Variants in EPB41L4A observed in about 807,000 individuals in gnomAD.
EPB41L4A encodes the protein band 4.1-like protein 4A.
EPB41L4A carries 100 observed loss-of-function variants against 108.6 expected under a neutral mutation model. The ratio of observed to expected loss-of-function variants is 0.92; its 90% confidence interval spans 0.78 to 1.09. The LOEUF is 1.09. Ranked by LOEUF, EPB41L4A falls within the 50% of genes least tolerant of loss-of-function variation. The pLI is 0.00. For missense variants in EPB41L4A, 1,030 were observed against 842.7 expected, an observed-to-expected ratio of 1.22 and a Z score of -2.75; for synonymous variants, 319 against 289.0, an observed-to-expected ratio of 1.10 and a Z score of -1.05.
At chr5:112,374,053 C>CCAT (rs1261719986) in intron 1 of EPB41L4A, among the ~76,000 whole-genome samples, 5 of 152,138 alleles carry the variant, frequency 3.3e-5, no homozygotes, top group Non-Finnish European at 7.4e-5. Context: ...TAGGAAGCAC[C>CCAT]CATCTTCTGT....
chr5:112,152,100 C>T (rs146078937), intron 12 of EPB41L4A, among the ~76,000 whole-genome samples: 13 of 151,646 alleles, frequency 8.6e-5, no homozygotes, highest in African/African-American at 3.1e-4. Flanking sequence ...TATAATTTGG[C>T]TACATATAAC....
At chr5:112,309,173 A>G (rs1754885377) in intron 1 of EPB41L4A, among the ~76,000 whole-genome samples, 2 of 152,100 alleles carry the variant, frequency 1.3e-5, no homozygotes, top group Non-Finnish European at 2.9e-5. Flanking sequence ...ACCATTTACC[A>G]AAAAAAGCCA....
At chr5:112,339,825 C>T (rs1384794349) in intron 1 of EPB41L4A, among the ~76,000 whole-genome samples, 1 of 152,056 alleles carries the variant, frequency 6.6e-6, no homozygotes, top group African/African-American at 2.4e-5. Flanking sequence ...CGTGAGCCAC[C>T]ACGCTTGGCC....
At chr5:112,363,291 AT>A (rs1758897364) in intron 1 of EPB41L4A, among the ~76,000 whole-genome samples, 1 of 152,034 alleles carries the variant, frequency 6.6e-6, no homozygotes, top group African/African-American at 2.4e-5. Flanking sequence ...CATATTATAT[AT>A]TTTCAATTCA....
At chr5:112,325,354 T>C (rs1451614765) in intron 1 of EPB41L4A, among the ~76,000 whole-genome samples, 4 of 149,764 alleles carry the variant, frequency 2.7e-5, no homozygotes, top group Non-Finnish European at 4.4e-5. Context: ...GGCAGGAAAA[T>C]GGCATGAACC....
intron 17 of EPB41L4A, among the ~76,000 whole-genome samples, chr5:112,192,839 G>A (rs1761772593): frequency 6.6e-6 from 1 of 152,080 alleles, no homozygotes; most frequent in Non-Finnish European, 1.5e-5. Context: ...GAACACTTAT[G>A]GGCACAATTT....
At chr5:112,245,723 C>CAG (rs773868560) in intron 9 of EPB41L4A, among the ~76,000 whole-genome samples, 2 of 152,270 alleles carry the variant, frequency 1.3e-5, no homozygotes, top group Admixed American at 6.5e-5. Flanking sequence ...GTCAGAGAGC[C>CAG]AGAGAGAGGG....
At chr5:112,160,886 C>G (rs781480287), downstream of EPB41L4A, 1 of 156,238 alleles carries the variant, frequency 6.4e-6, no homozygotes, top group Non-Finnish European at 1.5e-5. Flanking sequence ...TTGGTGCGAG[C>G]TTGCTGTGGT....
chr5:112,148,539 T>C (rs185490124), intron 12 of EPB41L4A, among the ~76,000 whole-genome samples: 8 of 152,246 alleles, frequency 5.3e-5, no homozygotes, highest in African/African-American at 1.9e-4. Context: ...CATTTTATTC[T>C]GAAAGGTAAT....
intron 1 of EPB41L4A, among the ~76,000 whole-genome samples, chr5:112,386,975 G>A (rs1164576736): frequency 6.6e-6 from 1 of 152,198 alleles, no homozygotes; most frequent in Admixed American, 6.5e-5. Flanking sequence ...CCCTGCTTTA[G>A]CTGAGTTGCT....
intron 13 of EPB41L4A, among the ~76,000 whole-genome samples, chr5:112,206,631 AGAGAAGG>A (rs1264221467): frequency 6.6e-6 from 1 of 152,220 alleles, no homozygotes; most frequent in Non-Finnish European, 1.5e-5. Context: ...GAAAAAGCAA[AGAGAAGG>A]GAGAAGGGAG....
chr5:112,145,645 A>C (rs1451201282), intron 13 of EPB41L4A, among the ~76,000 whole-genome samples: 1 of 152,160 alleles, frequency 6.6e-6, no homozygotes, highest in Non-Finnish European at 1.5e-5. Context: ...AATTCTTGCT[A>C]TACTACCAAG....
At chr5:112,144,853 C>A (rs1031084900) in intron 13 of EPB41L4A, among the ~76,000 whole-genome samples, 2 of 152,162 alleles carry the variant, frequency 1.3e-5, no homozygotes, top group Non-Finnish European at 2.9e-5. Context: ...CCATGCCCCA[C>A]TTGAGGTTAT....
intron 1 of EPB41L4A, among the ~76,000 whole-genome samples, chr5:112,360,181 G>A (rs1305887902): frequency 6.6e-6 from 1 of 152,140 alleles, no homozygotes; most frequent in Non-Finnish European, 1.5e-5. Context: ...CCAGCACTTT[G>A]GGAGGCCGAG....
chr5:112,287,150 CCA>C (rs1420094815), intron 2 of EPB41L4A, among the ~76,000 whole-genome samples: 1 of 152,212 alleles, frequency 6.6e-6, no homozygotes, highest in African/African-American at 2.4e-5. Context: ...CTGACAACTT[CCA>C]CAGTTATAGC....
intron 17 of EPB41L4A, among the ~76,000 whole-genome samples, chr5:112,188,479 C>A (rs1761531489): frequency 6.6e-6 from 1 of 152,156 alleles, no homozygotes; most frequent in Non-Finnish European, 1.5e-5. Context: ...ACCTATTTTG[C>A]CCTCACTCAG....
intron 1 of EPB41L4A, among the ~76,000 whole-genome samples, chr5:112,393,453 C>T (rs986962221): frequency 6.6e-6 from 1 of 152,166 alleles, no homozygotes; most frequent in African/African-American, 2.4e-5. Flanking sequence ...TCAAAGAATA[C>T]TATAGACACC....
intron 1 of EPB41L4A, among the ~76,000 whole-genome samples, chr5:112,364,342 A>C (rs1758983542): frequency 6.6e-6 from 1 of 152,158 alleles, no homozygotes; most frequent in Non-Finnish European, 1.5e-5. Context: ...ATTTTCATGC[A>C]AATATTTGTT....
At chr5:112,148,807 C>T (rs1425505183) in intron 12 of EPB41L4A, among the ~76,000 whole-genome samples, 8 of 152,096 alleles carry the variant, frequency 5.3e-5, no homozygotes, top group Admixed American at 5.2e-4. Flanking sequence ...TTCCAAATGG[C>T]AAATCACTGT....
Sources: allele counts gnomAD v4.1 joint callset (sites outside exome capture counted in the v4.1 genomes callset), GRCh38; gene constraint gnomAD v4.1.1; transcripts MANE v1.5; gene names NCBI Gene and HGNC (gene_info 2026-07-23, HGNC 2026-07-21).